The following DOP1B variants were observed in gnomAD, a reference collection of about 807,000 sequenced individuals.
DOP1B encodes the protein protein DOP1B.
In DOP1B, 174 loss-of-function variants were observed where a neutral mutation model predicts 233.5. That is an observed-to-expected ratio of 0.75 (90% CI 0.66 to 0.85). The LOEUF (loss-of-function observed/expected upper bound fraction) is 0.85, where lower values mean the gene tolerates loss of function less well. Among genes scored for constraint, DOP1B ranks in the 40% least tolerant of loss-of-function variants. The probability of loss-of-function intolerance (pLI) is 0.00; values close to 1 mark genes in which losing one functional copy is unlikely to be tolerated. For missense variants in DOP1B, 2,652 were observed against 2,846.6 expected, an observed-to-expected ratio of 0.93 and a Z score of 1.56; for synonymous variants, 1,190 against 1,185.6, an observed-to-expected ratio of 1.00 and a Z score of -0.08.
chr21:36,248,679 C>A, intron 21 of DOP1B, 111 bp downstream of exon 21: 1 of 1,055,156 alleles, frequency 9.5e-7, no homozygotes, highest in East Asian at 2.8e-5. Flanking sequence ...CAATGAAACC[C>A]AAGTCAGAGA....
Position 36,188,475 on chromosome 21 carries a change from G to A in DOP1B, c.139-10595G>A, listed in dbSNP as rs115702322. ...TGAGCACTTGGGAAGTCCTGGCCAA[G>A]TGCTGGTCTGTTCCATTTTCGTCCT... is the stretch of plus-strand genomic sequence containing the variant. On this transcript the variant is annotated intron_variant, in intron 2 of 36. Transcript: ENST00000691173. Among the ~76,000 whole-genome samples, 1,312 of 152,294 alleles carry A rather than the reference G, an allele frequency of 8.6e-3. 24 individuals are homozygous for A. The highest frequency in any genetic ancestry group is 0.03 in the African/African-American group (1,235 of 41,564).
intron 4 of DOP1B, among the ~76,000 whole-genome samples, chr21:36,200,960 A>G (rs1014864391): frequency 2.6e-5 from 4 of 152,078 alleles, no homozygotes; most frequent in African/African-American, 9.7e-5. Context: ...CCTCCCGGGA[A>G]TCTCTCTTGT....
At chr21:36,293,121 G>A (rs537513867) in intron 36 of DOP1B, among the ~76,000 whole-genome samples, 199 bp from the exon 37 acceptor site, 24 of 151,318 alleles carry the variant, frequency 1.6e-4, no homozygotes, top group East Asian at 5.9e-4. Flanking sequence ...CAAGAGAATC[G>A]CTTGAACCCG....
intron 14 of DOP1B, 117 bp from the exon 15 acceptor site, chr21:36,232,687 T>G: frequency 1.4e-6 from 2 of 1,411,656 alleles, no homozygotes; most frequent in Non-Finnish European, 1.9e-6. Context: ...CGCACTGCTG[T>G]CCAGGTGGAT....
At chr21:36,177,196 G>T (rs1392472799) in intron 2 of DOP1B, among the ~76,000 whole-genome samples, 2 of 152,156 alleles carry the variant, frequency 1.3e-5, no homozygotes, top group East Asian at 3.9e-4. Flanking sequence ...GGGCTCTGAT[G>T]ATGTTGCAGC....
At chr21:36,234,945 A>G (rs1473731551) in intron 15 of DOP1B, among the ~76,000 whole-genome samples, 1 of 152,228 alleles carries the variant, frequency 6.6e-6, no homozygotes, top group Non-Finnish European at 1.5e-5. Flanking sequence ...GGTAATTAGC[A>G]TACCCATCAC....
Position 36,227,875 on chromosome 21 carries a change from T to G in DOP1B, c.1663T>G (p.Ser555Ala). The part of the protein sequence containing the change: ...YLDTESTSGT[S>A]SPVKGENGKI... ...CGACACGGAGTCCACCAGCGGAACC[T>G]CGGTGTGTACTCTGAGGGGCAGAAA... The change falls in exon 13 of 37, where the codon TCG becomes GCG. Residue 555 changes from serine to alanine, a missense_variant and splice_region_variant. Around this residue, in one of 3 missense-constraint regions of DOP1B, gnomAD observed 2,617 missense variants for 2,794.3 expected, o/e 0.94. Coordinates refer to ENST00000691173, the MANE Select transcript of DOP1B (RefSeq NM_001320714.2). 6.3e-7 allele frequency: 1 copy of G among 1,594,722 alleles called. No individual in the cohort carries two copies. Among genetic ancestry groups the G allele is most frequent in the African/African-American group, 1.3e-5 (1 of 74,684 alleles).
At chr21:36,194,732 C>T (rs1033487406) in intron 2 of DOP1B, among the ~76,000 whole-genome samples, 3 of 152,090 alleles carry the variant, frequency 2.0e-5, no homozygotes, top group South Asian at 4.1e-4. Flanking sequence ...GGCGATCTGC[C>T]CATCTTGGCC....
chr21:36,249,579 T>C (rs2067010127), intron 21 of DOP1B, among the ~76,000 whole-genome samples: 1 of 152,214 alleles, frequency 6.6e-6, no homozygotes, highest in Non-Finnish European at 1.5e-5. Flanking sequence ...CATGGCCCCA[T>C]CAGAGTGGAA....
chr21:36,242,823 C>T (rs1368481200), intron 18 of DOP1B, among the ~76,000 whole-genome samples: 1 of 152,152 alleles, frequency 6.6e-6, no homozygotes, highest in Non-Finnish European at 1.5e-5. Flanking sequence ...TACTGCTATG[C>T]ACTTCAAGCA....
Position 36,253,825 on chromosome 21 carries a change from A to C in DOP1B, c.5175A>C (p.Ala1725=), listed in dbSNP as rs1400398048. Residue 1725 remains alanine (A), a synonymous_variant, in exon 23 of 37, where the codon GCA becomes GCC. Transcript: ENST00000691173. ...TAACCCTTGTCGACTTGGTGTGTGC[A>C]CTCAGCACCCTGCAGACTGACACGC... The part of the protein sequence containing the change: ...SQLTLVDLVC[A]LSTLQTDTLL... 3 of 1,613,660 alleles carry C rather than the reference A, an allele frequency of 1.9e-6. No homozygotes were observed. Among genetic ancestry groups the C allele is most frequent in the Non-Finnish European group, 2.5e-6 (3 of 1,179,970 alleles).
chr21:36,229,438 A>G (rs192599053), intron 13 of DOP1B, among the ~76,000 whole-genome samples: 44 of 151,980 alleles, frequency 2.9e-4, no homozygotes, highest in African/African-American at 1.1e-3. Context: ...TTGGCTGTCA[A>G]CCTGTGTGCA....
chr21:36,280,382 G>C (rs1287812278), intron 31 of DOP1B, 36 bp downstream of exon 31: 6 of 1,467,944 alleles, frequency 4.1e-6, no homozygotes, highest in South Asian at 2.3e-5. Context: ...ACTCACACTT[G>C]ATAGGATCAA....
intron 15 of DOP1B, 60 bp downstream of exon 15, chr21:36,233,135 A>G: frequency 6.4e-7 from 1 of 1,560,022 alleles, no homozygotes; most frequent in Non-Finnish European, 8.7e-7. Context: ...CAAAACTCAG[A>G]ACCGTATTGC....
At chr21:36,173,905 A>C (rs1205080767) in intron 2 of DOP1B, among the ~76,000 whole-genome samples, 1 of 151,934 alleles carries the variant, frequency 6.6e-6, no homozygotes, top group East Asian at 1.9e-4. Flanking sequence ...TAAATGAACC[A>C]GTTTTTTTTG....
chr21:36,193,436 TG>T (rs1271458946), intron 2 of DOP1B, among the ~76,000 whole-genome samples: 1 of 152,062 alleles, frequency 6.6e-6, no homozygotes, highest in Non-Finnish European at 1.5e-5. Context: ...TCCTTCCCTC[TG>T]GGTATAGGGC....
At chr21:36,252,846 G>C (rs964385243) in intron 22 of DOP1B, among the ~76,000 whole-genome samples, 14 of 152,172 alleles carry the variant, frequency 9.2e-5, no homozygotes, top group African/African-American at 2.2e-4. Context: ...CACTTGACTG[G>C]TCCATGATGA....
chr21:36,187,695 C>A (rs1010446671), intron 2 of DOP1B, among the ~76,000 whole-genome samples: 1 of 152,098 alleles, frequency 6.6e-6, no homozygotes, highest in Admixed American at 6.6e-5. Context: ...ACAGCCTTGA[C>A]CTCCTAGTTC....
In DOP1B at chr21:36,223,351, G is replaced by A. The variant is rs2066648104; in HGVS notation, c.1370+1G>A. The A allele has an allele frequency of 5.6e-6, 9 of 1,608,170 alleles. No individual in the cohort carries two copies. Among genetic ancestry groups the A allele is most frequent in the Non-Finnish European group, 7.6e-6 (9 of 1,178,784 alleles). ...CAAGGTGTTTTGAGGAATGCTTTAG[G>A]TAAGTATGCAGTTCAAGAATGCAGA... is the stretch of plus-strand genomic sequence containing the variant. On this transcript the variant is annotated splice_donor_variant, in intron 11 of 36. Transcript: ENST00000691173. LOFTEE classifies it high-confidence loss of function.
Sources: allele counts gnomAD v4.1 joint callset (sites outside exome capture counted in the v4.1 genomes callset), GRCh38; gene constraint gnomAD v4.1.1; regional missense constraint gnomAD v4.1.1; transcripts MANE v1.5; gene names NCBI Gene and HGNC (gene_info 2026-07-23, HGNC 2026-07-21).